Variants in RUNDC1 observed in about 807,000 individuals in gnomAD.
The protein encoded by RUNDC1 is RUN domain-containing protein 1.
In RUNDC1, 31 loss-of-function variants were observed where a neutral mutation model predicts 49.3. The observed-to-expected ratio is 0.63, with a 90% confidence interval of 0.47 to 0.85. The LOEUF (loss-of-function observed/expected upper bound fraction) is 0.85, where lower values mean the gene tolerates loss of function less well. Ranked by LOEUF, RUNDC1 falls within the 40% of genes least tolerant of loss-of-function variation. The probability of loss-of-function intolerance (pLI) is 0.00; values close to 1 mark genes in which losing one functional copy is unlikely to be tolerated. For missense variants in RUNDC1, 715 were observed against 806.7 expected, an observed-to-expected ratio of 0.89 and a Z score of 1.38; for synonymous variants, 347 against 348.6, an observed-to-expected ratio of 1.00 and a Z score of 0.05.
chr17:42,981,239 C>A, intron 1 of RUNDC1, 165 bp downstream of exon 1: 1 of 891,246 alleles, frequency 1.1e-6, no homozygotes, highest in Non-Finnish European at 1.6e-6. Context: ...GGCTGAAGGG[C>A]AAGAGGACAG....
chr17:42,990,343 G>C lies in RUNDC1; in HGVS notation c.883G>C (p.Gly295Arg). ...QDEVGSPLQT[G>R]GGHCECKAGG... is the part of the protein sequence containing the mutation. ...TGAAGTGGGAAGCCCCTTGCAGACA[G>C]GTGGTGGACACTGTGAGTGCAAGGC... Residue 295 changes from glycine to arginine, a missense_variant, in exon 4 of 5, where the codon GGT becomes CGT. Gly to Arg is a moderately radical substitution (Grantham distance 125). This residue lies in a region of RUNDC1 where 425 missense variants were observed against 499.7 expected (regional missense o/e 0.85). Coordinates refer to ENST00000361677, the MANE Select transcript of RUNDC1 (RefSeq NM_173079.5). The C allele has an allele frequency of 6.2e-7, 1 of 1,614,120 alleles. No homozygotes were observed. The highest frequency in any genetic ancestry group is 1.3e-5 in the African/African-American group (1 of 75,044).
rs2050207753 is a variant in RUNDC1, at chr17:42,989,335, TG to T, written c.658-4del. ...AGGGTGTGCTCATTGCTTGTGATCT[TG>T]GTAGGTGATCATAGATGAGTTAATA... is the stretch of plus-strand genomic sequence containing the variant. On this transcript the variant is annotated splice_polypyrimidine_tract_variant and splice_region_variant and intron_variant, in intron 2 of 4. Coordinates refer to ENST00000361677, the MANE Select transcript of RUNDC1 (RefSeq NM_173079.5). The T allele has an allele frequency of 6.2e-7, 1 of 1,611,556 alleles. No individual in the cohort carries two copies. The highest frequency in any genetic ancestry group is 1.7e-5 in the Admixed American group (1 of 60,004).
At chr17:42,987,488 T>A in intron 2 of RUNDC1, 74 bp downstream of exon 2, 1 of 1,416,666 alleles carries the variant, frequency 7.1e-7, no homozygotes, top group Non-Finnish European at 9.9e-7. Context: ...CAGGGCATCC[T>A]CTCTCAGCTC....
chr17:42,985,994 T>C lies in RUNDC1; in HGVS notation c.499-1262T>C, dbSNP rs532177423. ...TGGCCTAGGCACTTGCCTTTTACTCTTTTGTTTTTGGTTTTGGTTTTTTGA... is the reference window on the plus strand; with the variant it reads ...TGGCCTAGGCACTTGCCTTTTACTCCTTTGTTTTTGGTTTTGGTTTTTTGA... On this transcript the variant is annotated intron_variant, in intron 1 of 4. Coordinates refer to ENST00000361677, the MANE Select transcript of RUNDC1 (RefSeq NM_173079.5). 2.0e-5 allele frequency among the ~76,000 whole-genome samples: 3 copies of C among 152,260 alleles called. No individual in the cohort carries two copies. The South Asian group carries it at 6.2e-4, about 32-fold the overall frequency.
In RUNDC1 at chr17:42,990,485, T is replaced by G. The variant is rs1447485853; in HGVS notation, c.976+49T>G. The G allele has an allele frequency of 1.9e-6, 3 of 1,590,058 alleles. No homozygotes were observed. The East Asian group carries it at 6.7e-5, about 36-fold the overall frequency. On this transcript the variant is annotated intron_variant, in intron 4 of 4. Coordinates refer to ENST00000361677, the MANE Select transcript of RUNDC1 (RefSeq NM_173079.5). ...CAAATCTCTAGAGACAGAAAGTAGA[T>G]GAGTGGTTGCCTAGGGCTTGGGTGT...
chr17:42,980,968 T>C lies in RUNDC1; in HGVS notation c.392T>C (p.Phe131Ser). 6.5e-7 allele frequency: 1 copy of C among 1,542,628 alleles called. No individual in the cohort carries two copies. Residue 131 changes from phenylalanine (F) to serine (S), a missense_variant, in exon 1 of 5, where the codon TTC (phenylalanine) becomes TCC (serine). Around this residue, in one of 5 missense-constraint regions of RUNDC1, gnomAD observed 113 missense variants for 93.4 expected, o/e 1.21. Transcript: ENST00000361677. ...RLLRELEDFA[F>S]RGCPHVLGYE... Reference sequence around the variant, plus strand: ...CTGCGGGAGCTCGAAGACTTCGCCTTCCGCGGCTGCCCTCACGTCCTAGGT... The same window carrying C: ...CTGCGGGAGCTCGAAGACTTCGCCTCCCGCGGCTGCCCTCACGTCCTAGGT...
chr17:42,986,599 G>A (rs1371968013), intron 1 of RUNDC1, among the ~76,000 whole-genome samples: 4 of 151,994 alleles, frequency 2.6e-5, no homozygotes, highest in African/African-American at 7.2e-5. Context: ...CCGGGTTCAC[G>A]CCATCCTCCT....
chr17:42,987,632 T>A (rs1033825697), intron 2 of RUNDC1, among the ~76,000 whole-genome samples: 2 of 152,264 alleles, frequency 1.3e-5, no homozygotes, highest in African/African-American at 4.8e-5. Context: ...ATAATTGAGC[T>A]ATTTCTTTTT....
At chr17:42,986,809 GAGTTTTAA>G (rs1169198475) in intron 1 of RUNDC1, among the ~76,000 whole-genome samples, 1 of 152,086 alleles carries the variant, frequency 6.6e-6, no homozygotes, top group East Asian at 1.9e-4. Flanking sequence ...AGCTGGTTAT[GAGTTTTAA>G]AGCCTCTCTC....
chr17:42,989,768 C>T (rs748484019), intron 3 of RUNDC1, among the ~76,000 whole-genome samples: 5 of 151,902 alleles, frequency 3.3e-5, no homozygotes, highest in Admixed American at 1.3e-4. Context: ...CTGAGTAGCT[C>T]GGATTACAGG....
Position 42,985,682 on chromosome 17 carries a change from T to C in RUNDC1, c.499-1574T>C, listed in dbSNP as rs1055771. On this transcript the variant is annotated intron_variant, in intron 1 of 4. Transcript: ENST00000361677. Reference sequence around the variant, plus strand: ...GTAAGTACCGTTTTAAGGTTAAATGTAATACGCTGTAGACTTCTAGTTTAA... The same window carrying C: ...GTAAGTACCGTTTTAAGGTTAAATGCAATACGCTGTAGACTTCTAGTTTAA... 759 of 981,280 alleles carry C rather than the reference T, an allele frequency of 7.7e-4. 5 individuals carry two copies. The African/African-American group carries it at 0.012, about 16-fold the overall frequency. 60.8% of individuals were successfully genotyped at this position (981,280 alleles called of 1,614,324 possible).
chr17:42,991,936 C>T lies in RUNDC1; in HGVS notation c.*220C>T, dbSNP rs1033220580. ...TCTTGTTAAGAAGGTTCTGCCAGGCCGGGCGCGGTGGCTCACACCTGTAAT... is the reference window on the plus strand; with the variant it reads ...TCTTGTTAAGAAGGTTCTGCCAGGCTGGGCGCGGTGGCTCACACCTGTAAT... On this transcript the variant is annotated 3_prime_UTR_variant, in exon 5 of 5. Transcript: ENST00000361677. 16 of 548,706 alleles carry T rather than the reference C, an allele frequency of 2.9e-5. No homozygotes were observed. Among genetic ancestry groups the T allele is most frequent in the African/African-American group, 5.7e-5 (3 of 52,728 alleles). The allele number at this position is 548,706 out of a possible 1,614,324, so 34.0% of individuals were successfully genotyped here.
intron 3 of RUNDC1, 127 bp from the exon 4 acceptor site, chr17:42,990,190 C>A: frequency 7.9e-7 from 1 of 1,269,010 alleles, no homozygotes; most frequent in Non-Finnish European, 1.1e-6. Context: ...CCTCATTTTA[C>A]ACAATTAAAT....
intron 1 of RUNDC1, among the ~76,000 whole-genome samples, chr17:42,984,663 C>T (rs1025699071): frequency 6.6e-6 from 1 of 152,044 alleles, no homozygotes; most frequent in African/African-American, 2.4e-5. Flanking sequence ...AATAGCATAT[C>T]GTAGCTACCA....
chr17:42,981,101 GAATA>G (rs1355749867), intron 1 of RUNDC1, 27 bp downstream of exon 1: 3 of 1,544,364 alleles, frequency 1.9e-6, no homozygotes, highest in Non-Finnish European at 2.6e-6. Context: ...GGGCCGCGAG[GAATA>G]TGGGAATAGT....
rs2050120841 is a variant in RUNDC1, at chr17:42,982,882, G to A, written c.498+1808G>A. The stretch of plus-strand genomic sequence containing the variant: ...CATTCCTGTAATCCCAGCTACTCGG[G>A]AGGCTGAGGCAGGAGAATCGCTTGA... On this transcript the variant is annotated intron_variant, in intron 1 of 4. Coordinates refer to ENST00000361677, the MANE Select transcript of RUNDC1 (RefSeq NM_173079.5). 1.3e-5 allele frequency among the ~76,000 whole-genome samples: 2 copies of A among 151,688 alleles called. 1 individual carries two copies. The highest frequency in any genetic ancestry group is 4.2e-4 in the South Asian group (2 of 4,814).
chr17:42,989,891 T>TC (rs1304699550), intron 3 of RUNDC1, among the ~76,000 whole-genome samples: 1 of 152,090 alleles, frequency 6.6e-6, no homozygotes, highest in Non-Finnish European at 1.5e-5. Flanking sequence ...TGCCTCAGCC[T>TC]CCCAAAGTAC....
intron 3 of RUNDC1, among the ~76,000 whole-genome samples, 182 bp downstream of exon 3, chr17:42,989,721 G>A (rs1006308697): frequency 4.6e-5 from 7 of 152,048 alleles, no homozygotes; most frequent in Non-Finnish European, 1.0e-4. Flanking sequence ...TGCAACCGCC[G>A]CCTCCCAGAT....
Position 42,994,300 on chromosome 17 carries a change from C to T in RUNDC1, c.*2584C>T, listed in dbSNP as rs1340127868. Among the ~76,000 whole-genome samples the T allele has an allele frequency of 6.6e-6, 1 of 152,236 alleles. No homozygotes were observed. Among genetic ancestry groups the T allele is most frequent in the Non-Finnish European group, 1.5e-5 (1 of 68,036 alleles). On this transcript the variant is annotated 3_prime_UTR_variant, in exon 5 of 5. Transcript: ENST00000361677. ...AACTTGTATTAAGGCTTTGTGCTAG[C>T]ATTACAGGAAGCATTTTCATTTGTC... is the stretch of plus-strand genomic sequence containing the variant.
Sources: allele counts gnomAD v4.1 joint callset (sites outside exome capture counted in the v4.1 genomes callset), GRCh38; gene constraint gnomAD v4.1.1; regional missense constraint gnomAD v4.1.1; transcripts MANE v1.5; gene names NCBI Gene and HGNC (gene_info 2026-07-23, HGNC 2026-07-21).